Variants in AKAP7 observed in about 807,000 individuals in gnomAD.
AKAP7 encodes the protein A kinase (PRKA) anchor protein 7.
In AKAP7, 39 loss-of-function variants were observed where a neutral mutation model predicts 39.5. The observed-to-expected ratio is 0.99, with a 90% CI of 0.76 to 1.29. The LOEUF (loss-of-function observed/expected upper bound fraction) is 1.29, where lower values mean the gene tolerates loss of function less well. Ranked by LOEUF, AKAP7 falls within the 50% of genes most tolerant of loss-of-function variation. AKAP7 has a pLI of 0.00. For missense variants in AKAP7, 414 were observed against 407.7 expected (o/e 1.02, Z -0.13); for synonymous variants, 140 against 139.1 (o/e 1.01, Z -0.05).
chr6:131,275,195 C>T (rs1814646997), intron 7 of AKAP7, among the ~76,000 whole-genome samples: 1 of 152,138 alleles, frequency 6.6e-6, no homozygotes, highest in Non-Finnish European at 1.5e-5. Context: ...ATAAGTTGAA[C>T]TCAGATTTAA....
chr6:131,165,196 TA>T lies in AKAP7; in HGVS notation c.410del (p.Asn137MetfsTer5). On this transcript the variant is annotated frameshift_variant, in exon 4 of 8. Transcript: ENST00000431975. LOFTEE classifies it high-confidence loss of function. Reference protein sequence around the residue: ...FHITLLVMQLLNEDEVNIGID... With the variant: ...FHITLLVMQLXNEDEVNIGID... ...ATTACCCTGCTGGTGATGCAATTAT[TA>T]AATGAAGATGAAGTAAACATGTGAG... 1 of 1,607,228 alleles carries T rather than the reference TA, an allele frequency of 6.2e-7. No homozygotes were observed. The highest frequency in any genetic ancestry group is 2.2e-5 in the East Asian group (1 of 44,776).
upstream of AKAP7, among the ~76,000 whole-genome samples, chr6:131,131,467 CTTTTTT>C (rs3031855): frequency 1.9e-4 from 26 of 138,318 alleles, no homozygotes; most frequent in African/African-American, 3.0e-4. Flanking sequence ...CTCTTTCTTT[CTTTTTT>C]TTTTTTTTTT....
At chr6:131,199,074 T>C (rs762694400) in intron 5 of AKAP7, among the ~76,000 whole-genome samples, 1 of 152,208 alleles carries the variant, frequency 6.6e-6, no homozygotes, top group African/African-American at 2.4e-5. Context: ...TGCTACTTCA[T>C]CTTGGAAGCA....
intron 6 of AKAP7, among the ~76,000 whole-genome samples, chr6:131,207,723 AC>A (rs1269353947): frequency 1.3e-5 from 2 of 151,640 alleles, no homozygotes; most frequent in African/African-American, 4.8e-5. Context: ...GGCCCTCCTG[AC>A]CTGGGAGACA....
chr6:131,191,660 T>C (rs1306886329), intron 5 of AKAP7, among the ~76,000 whole-genome samples: 1 of 152,178 alleles, frequency 6.6e-6, no homozygotes, highest in Non-Finnish European at 1.5e-5. Context: ...GTGTCATCAG[T>C]GACAGCTACT....
intron 1 of AKAP7, chr6:131,137,454 C>T (rs989682400): frequency 6.6e-6 from 1 of 152,200 alleles, no homozygotes; most frequent in Admixed American, 6.6e-5. Context: ...ACAATCTCGG[C>T]TCACTGCAAC....
intron 6 of AKAP7, among the ~76,000 whole-genome samples, chr6:131,203,928 G>A (rs559532636): frequency 1.3e-5 from 2 of 152,208 alleles, no homozygotes; most frequent in Middle Eastern, 3.4e-3. Flanking sequence ...CTTTGAAGTG[G>A]AATTCTAAGA....
intron 1 of AKAP7, among the ~76,000 whole-genome samples, chr6:131,140,778 C>T (rs1387489137): frequency 6.6e-6 from 1 of 152,158 alleles, no homozygotes; most frequent in Admixed American, 6.5e-5. Flanking sequence ...AGTGGTGATC[C>T]TTTATGTGTA....
At chr6:131,183,111 A>G (rs932486076) in intron 5 of AKAP7, among the ~76,000 whole-genome samples, 2 of 152,182 alleles carry the variant, frequency 1.3e-5, no homozygotes, top group Admixed American at 1.3e-4. Flanking sequence ...AAAAACGTTT[A>G]TGTTTACTGA....
chr6:131,241,626 T>TGTGTGTGTGTATAC (rs1562238185), intron 7 of AKAP7, among the ~76,000 whole-genome samples: 8 of 135,732 alleles, frequency 5.9e-5, no homozygotes, highest in East Asian at 2.0e-4. Context: ...TGTGTGTGTG[T>TGTGTGTGTGTATAC]GTATATATAT....
chr6:131,249,567 G>A (rs931706785), intron 7 of AKAP7, among the ~76,000 whole-genome samples: 1 of 151,968 alleles, frequency 6.6e-6, no homozygotes, highest in African/African-American at 2.4e-5. Context: ...TGGAATTTCT[G>A]GCACTATGAA....
chr6:131,174,081 T>G (rs543724095), intron 5 of AKAP7, among the ~76,000 whole-genome samples: 2 of 152,228 alleles, frequency 1.3e-5, no homozygotes, highest in Non-Finnish European at 2.9e-5. Flanking sequence ...AAAATACTTA[T>G]GTTTTTCAAA....
At chr6:131,251,316 G>A (rs932611173) in intron 7 of AKAP7, among the ~76,000 whole-genome samples, 6 of 152,140 alleles carry the variant, frequency 3.9e-5, no homozygotes, top group African/African-American at 1.4e-4. Context: ...ATGGAATACT[G>A]GCATTTTAAT....
chr6:131,141,952 G>A (rs935626095), intron 1 of AKAP7, among the ~76,000 whole-genome samples: 7 of 148,968 alleles, frequency 4.7e-5, no homozygotes, highest in African/African-American at 7.5e-5. Context: ...CCAGGGTGGA[G>A]TGCAGTGGGA....
At chr6:131,156,878 C>T (rs987718966) in intron 2 of AKAP7, among the ~76,000 whole-genome samples, 3 of 151,906 alleles carry the variant, frequency 2.0e-5, no homozygotes, top group African/African-American at 7.3e-5. Flanking sequence ...GGGTTCACGC[C>T]ATTCTCCTGC....
Position 131,281,630 on chromosome 6 carries a change from G to A in AKAP7, c.951G>A (p.Glu317=). 1 of 1,613,646 alleles carries A rather than the reference G, an allele frequency of 6.2e-7. No homozygotes were observed. The highest frequency in any genetic ancestry group is 8.5e-7 in the Non-Finnish European group (1 of 1,179,840). The part of the protein sequence containing the change: ...AVLKAVQQYL[E]ETQNKNKPGE... The stretch of plus-strand genomic sequence containing the variant: ...TCAAGGCTGTCCAGCAGTATCTGGA[G>A]GAAACACAGAATAAAAACAAGCCGG... The change falls in exon 8 of 8, where the codon GAG becomes GAA. Residue 317 remains glutamate, a synonymous_variant. Coordinates refer to ENST00000431975, the MANE Select transcript of AKAP7 (RefSeq NM_016377.4). This position sits in a 1 kb window ranked among gnomAD's most constrained non-coding sequence, Gnocchi z 4.0.
intron 7 of AKAP7, among the ~76,000 whole-genome samples, chr6:131,271,255 GTTCT>G (rs148207413): frequency 0.019 from 2,932 of 152,098 alleles, 93 homozygotes; most frequent in African/African-American, 0.066. Context: ...AAGAGTTGAG[GTTCT>G]TTATTTTGCA....
intron 5 of AKAP7, among the ~76,000 whole-genome samples, chr6:131,172,156 C>T (rs191824992): frequency 8.3e-4 from 127 of 152,192 alleles, no homozygotes; most frequent in African/African-American, 2.9e-3. Flanking sequence ...CTTATAGCTT[C>T]AGTGAAGTCC....
chr6:131,233,670 C>T (rs1208836799), intron 7 of AKAP7, among the ~76,000 whole-genome samples: 3 of 152,004 alleles, frequency 2.0e-5, no homozygotes, highest in Non-Finnish European at 2.9e-5. Context: ...CTATTCTAGG[C>T]ATTAGGAAAA....
Sources: gnomAD v4.1 joint callset for allele counts (sites outside exome capture counted in the v4.1 genomes callset) on GRCh38, gnomAD v4.1.1 for gene constraint, Gnocchi (gnomAD v3.1) non-coding constraint, MANE v1.5 for transcripts, NCBI Gene and HGNC (gene_info 2026-07-23, HGNC 2026-07-21) for gene names.